Variants in MBTPS1 observed in about 807,000 individuals in gnomAD.
The protein encoded by MBTPS1 is membrane bound transcription factor peptidase, site 1.
MBTPS1 carries 94 observed loss-of-function variants against 127.8 expected under a neutral mutation model. That is an observed-to-expected ratio of 0.74 (90% CI 0.62 to 0.87). The LOEUF is 0.87. Ranked by LOEUF, MBTPS1 falls within the 40% of genes least tolerant of loss-of-function variation. MBTPS1 has a pLI of 0.00. For synonymous variants in MBTPS1, 632 were observed against 509.4 expected, an observed-to-expected ratio of 1.24 and a Z score of -3.24; for missense variants, 1,636 against 1,353.2, an observed-to-expected ratio of 1.21 and a Z score of -3.28.
intron 3 of MBTPS1, 106 bp downstream of exon 3, chr16:84,098,947 G>T: frequency 8.8e-7 from 1 of 1,133,750 alleles, no homozygotes; most frequent in Non-Finnish European, 1.3e-6. Flanking sequence ...TAGCAAACTA[G>T]ATGGAAGGAT....
At chr16:84,110,721 A>G (rs963907781) in intron 1 of MBTPS1, 1 of 152,230 alleles carries the variant, frequency 6.6e-6, no homozygotes, top group African/African-American at 2.4e-5. Context: ...GCCTGGGGCC[A>G]CAACACCAGC....
rs575098211 is a variant in MBTPS1, at chr16:84,058,227, G to C, written c.2831+1075C>G. Among the ~76,000 whole-genome samples the C allele has an allele frequency of 2.4e-4, 36 of 152,250 alleles. 1 individual carries two copies. The highest frequency in any genetic ancestry group is 4.6e-4 in the Non-Finnish European group (31 of 68,040). Reference sequence around the variant, plus strand: ...CGAAATGAAGACATACGGTCAGTGCGTGGTGTGTTCAGCACTTTCGGTTTA... The same window carrying C: ...CGAAATGAAGACATACGGTCAGTGCCTGGTGTGTTCAGCACTTTCGGTTTA... On this transcript the variant is annotated intron_variant, in intron 21 of 22. Transcript: ENST00000343411.
At chr16:84,055,228 C>G (rs2085505115) in intron 22 of MBTPS1, among the ~76,000 whole-genome samples, 1 of 152,184 alleles carries the variant, frequency 6.6e-6, no homozygotes, top group Admixed American at 6.5e-5. Context: ...TTCAGCGCAC[C>G]CCGTGACCTA....
intron 2 of MBTPS1, 48 bp from the exon 3 acceptor site, chr16:84,099,358 A>G (rs1275873995): frequency 2.5e-6 from 4 of 1,577,936 alleles, no homozygotes; most frequent in Admixed American, 1.7e-5. Context: ...CACATACATT[A>G]TAACATATAC....
At position 84,069,970 on chromosome 16, in the gene MBTPS1, G is replaced by C. The variant is rs368173667; in HGVS notation, c.1851C>G (p.Pro617=). 3 of 1,614,080 alleles carry C rather than the reference G, an allele frequency of 1.9e-6. No individual in the cohort carries two copies. The highest frequency in any genetic ancestry group is 2.5e-6 in the Non-Finnish European group (3 of 1,179,964). Residue 617 remains proline (P), a synonymous_variant, in exon 14 of 23, where the codon CCC becomes CCG. Transcript: ENST00000343411. ...LPIKVKIIPT[P]PRSKRVLWDQ... Reference sequence around the variant, plus strand: ...CCCAGAGAACTCTCTTGCTTCGCGGGGGAGTAGGAATTATCTTCACCTTAA... The same window carrying C: ...CCCAGAGAACTCTCTTGCTTCGCGGCGGAGTAGGAATTATCTTCACCTTAA...
chr16:84,093,330 C>G (rs1280800855), intron 5 of MBTPS1, 33 bp from the exon 6 acceptor site: 1 of 1,385,104 alleles, frequency 7.2e-7, no homozygotes, highest in Non-Finnish European at 1.0e-6. Context: ...TCCCATAAAA[C>G]ACACTGAATA....
rs551656267 is a variant in MBTPS1, at chr16:84,056,341, A to T, written c.2832-206T>A. The T allele has an allele frequency of 1.7e-4, 87 of 514,250 alleles. No individual in the cohort carries two copies. In the South Asian group the frequency reaches 2.2e-3, roughly 13 times the overall value. 31.9% of individuals were successfully genotyped at this position (514,250 alleles called of 1,614,324 possible). A position where few individuals can be genotyped will look rare whatever the true frequency, so the allele number is the denominator to read the frequency against. ...TCCCGAGGGAGAAAGATCAAAATCA[A>T]GTCCCTGTTCATGAGATTCTACTGA... is the stretch of plus-strand genomic sequence containing the variant. On this transcript the variant is annotated intron_variant, in intron 21 of 22. Coordinates refer to ENST00000343411, the MANE Select transcript of MBTPS1 (RefSeq NM_003791.4).
intron 11 of MBTPS1, among the ~76,000 whole-genome samples, chr16:84,080,190 AATATCT>A (rs2085919892): frequency 6.6e-6 from 1 of 152,236 alleles, no homozygotes; most frequent in South Asian, 2.1e-4. Flanking sequence ...GAGTAAAATA[AATATCT>A]ATGTGTCCAC....
chr16:84,093,630 G>T, intron 5 of MBTPS1, 81 bp downstream of exon 5: 1 of 1,000,240 alleles, frequency 1.0e-6, no homozygotes, highest in Non-Finnish European at 1.6e-6. Flanking sequence ...CTGAATAATT[G>T]CTGGACAGAC....
intron 4 of MBTPS1, 129 bp downstream of exon 4, chr16:84,095,473 C>G (rs1034831974): frequency 1.7e-5 from 16 of 929,916 alleles, no homozygotes; most frequent in Non-Finnish European, 2.6e-5. Context: ...ATGTGGAAGG[C>G]TGCAGGGCTT....
rs994557842 is a variant in MBTPS1, at chr16:84,074,752, G to T, written c.1449-11C>A. On this transcript the variant is annotated splice_polypyrimidine_tract_variant and intron_variant, in intron 11 of 22. Transcript: ENST00000343411. ...TAGCTGGGGCTCAAACTGAAATAAA[G>T]AATACAGTGTTAGAGTAGATCATAT... 1.2e-6 allele frequency: 2 copies of T among 1,611,690 alleles called. No individual in the cohort carries two copies. The highest frequency in any genetic ancestry group is 2.7e-5 in the African/African-American group (2 of 74,838).
chr16:84,096,197 G>A (rs1050005460), intron 3 of MBTPS1, among the ~76,000 whole-genome samples: 1 of 152,090 alleles, frequency 6.6e-6, no homozygotes, highest in African/African-American at 2.4e-5. Flanking sequence ...CATTCATTGA[G>A]TTTTATTTTT....
chr16:84,116,249 A>G (rs1459873548), intron 1 of MBTPS1, among the ~76,000 whole-genome samples: 1 of 152,248 alleles, frequency 6.6e-6, no homozygotes, highest in Non-Finnish European at 1.5e-5. Context: ...AACCATGCCA[A>G]GGCGAGGCAA....
chr16:84,078,092 CACTCACGCACACT>C (rs2085887461), intron 11 of MBTPS1, among the ~76,000 whole-genome samples: 1 of 138,808 alleles, frequency 7.2e-6, no homozygotes. Context: ...GGGAAACCGG[CACTCACGCACACT>C]GCTCACGCAA....
rs2085478667 is a variant in MBTPS1, at chr16:84,054,037, T to C, written c.*412A>G. The C allele has an allele frequency of 6.3e-6, 1 of 158,136 alleles. No homozygotes were observed. The allele number at this position is 158,136 out of a possible 1,614,324, so 9.8% of individuals were successfully genotyped here. A position where few individuals can be genotyped will look rare whatever the true frequency, so the allele number is the denominator to read the frequency against. Reference sequence around the variant, plus strand: ...TAGCTTTGCTTCCAAATAGCACAAGTCTTTAAAGTGACTTTTCCCAACAAT... The same window carrying C: ...TAGCTTTGCTTCCAAATAGCACAAGCCTTTAAAGTGACTTTTCCCAACAAT... On this transcript the variant is annotated 3_prime_UTR_variant, in exon 23 of 23. Coordinates refer to ENST00000343411, the MANE Select transcript of MBTPS1 (RefSeq NM_003791.4).
chr16:84,071,212 T>C (rs1349430262), intron 12 of MBTPS1, among the ~76,000 whole-genome samples: 1 of 152,216 alleles, frequency 6.6e-6, no homozygotes, highest in African/African-American at 2.4e-5. Flanking sequence ...CCGAGTCACA[T>C]TCTGAAGCTG....
intron 14 of MBTPS1, among the ~76,000 whole-genome samples, chr16:84,069,212 T>C (rs773241922): frequency 1.3e-5 from 2 of 152,012 alleles, no homozygotes; most frequent in Non-Finnish European, 2.9e-5. Flanking sequence ...AGTCCAAACA[T>C]AAAAGCAGAA....
chr16:84,068,190 G>A, intron 15 of MBTPS1, 149 bp downstream of exon 15: 1 of 634,442 alleles, frequency 1.6e-6, no homozygotes, highest in Non-Finnish European at 2.8e-6. Context: ...CTGTTTCAGA[G>A]CCTCGCCCCA....
intron 4 of MBTPS1, among the ~76,000 whole-genome samples, chr16:84,095,010 G>C (rs1409571832): frequency 1.3e-5 from 2 of 152,168 alleles, no homozygotes; most frequent in African/African-American, 2.4e-5. Flanking sequence ...ATGAAGGTTT[G>C]GTCATGATGA....
Sources: allele counts gnomAD v4.1 joint callset (sites outside exome capture counted in the v4.1 genomes callset), GRCh38; gene constraint gnomAD v4.1.1; transcripts MANE v1.5; gene names NCBI Gene and HGNC (gene_info 2026-07-23, HGNC 2026-07-21).